SSU72: variants seen among roughly 807,000 people sequenced by gnomAD.
The protein encoded by SSU72 is SSU72 homolog, RNA polymerase II CTD phosphatase, also known as RNA polymerase II subunit A C-terminal domain phosphatase SSU72.
In SSU72, 12 loss-of-function variants were observed where a neutral mutation model predicts 22.7. The ratio of observed to expected loss-of-function variants is 0.53; its 90% CI spans 0.34 to 0.86. SSU72 has a LOEUF of 0.86. SSU72 is among the 40% of genes least tolerant of loss of function. SSU72 has a pLI of 0.02. For synonymous variants in SSU72, 116 were observed against 98.3 expected (o/e 1.18, Z -1.06); for missense variants, 151 against 249.8 (o/e 0.60, Z 2.67).
Position 1,542,217 on chromosome 1 carries a change from C to T in SSU72, c.484-50G>A. ...GGCCTTGCCCACTCCTGCCTGTCTG[C>T]TCCCCCTAACACCTGGATCGCCAGG... On this transcript the variant is annotated intron_variant, in intron 4 of 4. Transcript: ENST00000291386. The surrounding 1 kb of genome is among the most constrained non-coding windows in gnomAD (Gnocchi z 4.4). 2 of 1,518,086 alleles carry T rather than the reference C, an allele frequency of 1.3e-6. No individual in the cohort carries two copies. The highest frequency in any genetic ancestry group is 1.8e-6 in the Non-Finnish European group (2 of 1,116,460). 94.0% of individuals were successfully genotyped at this position (1,518,086 alleles called of 1,614,324 possible).
At chr1:1,551,366 A>C (rs1428802625) in intron 2 of SSU72, among the ~76,000 whole-genome samples, 1 of 152,244 alleles carries the variant, frequency 6.6e-6, no homozygotes, top group East Asian at 1.9e-4. Flanking sequence ...GAGGCTGCAA[A>C]GGGAACAGCA....
At position 1,570,224 on chromosome 1, in the gene SSU72, T is replaced by C. The variant is rs770358797; in HGVS notation, c.80+4254A>G. 9.8e-4 allele frequency among the ~76,000 whole-genome samples: 148 copies of C among 150,630 alleles called. 1 individual carries two copies. The highest frequency in any genetic ancestry group is 2.2e-4 in the Non-Finnish European group (15 of 67,674). On this transcript the variant is annotated intron_variant, in intron 1 of 4. Coordinates refer to ENST00000291386, the MANE Select transcript of SSU72 (RefSeq NM_014188.3). The stretch of plus-strand genomic sequence containing the variant: ...CAGGAGGATCGTTTTAGCCCAGATA[T>C]TCAAGGGTGAAGTGGTGAGCTATGA...
At chr1:1,546,865 A>C (rs59289087) in intron 2 of SSU72, among the ~76,000 whole-genome samples, 2,730 of 112,456 alleles carry the variant, frequency 0.024, 91 homozygotes, top group African/African-American at 0.09. Flanking sequence ...AACAACAAAA[A>C]AAAAAAAAAA....
rs535372947 is a variant in SSU72, at chr1:1,573,195, G to A, written c.80+1283C>T. Reference sequence around the variant, plus strand: ...CCCAGCACTTTGGGAGGCCGAGCGGGCAGATCACGAGGTCATAAGATCAAG... The same window carrying A: ...CCCAGCACTTTGGGAGGCCGAGCGGACAGATCACGAGGTCATAAGATCAAG... On this transcript the variant is annotated intron_variant, in intron 1 of 4. Transcript: ENST00000291386. 9.3e-5 allele frequency among the ~76,000 whole-genome samples: 14 copies of A among 150,702 alleles called. No individual in the cohort carries two copies. The East Asian group carries it at 2.6e-3, about 28-fold the overall frequency.
intron 2 of SSU72, among the ~76,000 whole-genome samples, chr1:1,549,595 T>C (rs1386928641): frequency 2.0e-5 from 3 of 150,940 alleles, no homozygotes; most frequent in South Asian, 2.1e-4. Flanking sequence ...TCCCACCACT[T>C]TGGGAGGCCG....
At chr1:1,560,882 T>C (rs981415978) in intron 2 of SSU72, 15 of 152,246 alleles carry the variant, frequency 9.9e-5, no homozygotes, top group Admixed American at 8.5e-4. Context: ...CCAAAATTTA[T>C]TGAAGGCTTT....
rs934701236 is a variant in SSU72 at position 1,542,236 on chromosome 1, C to T, written c.484-69G>A. The T allele has an allele frequency of 1.2e-5, 18 of 1,462,498 alleles. No homozygotes were observed. Among genetic ancestry groups the T allele is most frequent in the South Asian group, 2.4e-5 (2 of 82,008 alleles). 90.6% of individuals were successfully genotyped at this position (1,462,498 alleles called of 1,614,324 possible). On this transcript the variant is annotated intron_variant, in intron 4 of 4. Coordinates refer to ENST00000291386, the MANE Select transcript of SSU72 (RefSeq NM_014188.3). The surrounding 1 kb of genome is among the most constrained non-coding windows in gnomAD (Gnocchi z 4.4). ...TGTCTGCTCCCCCTAACACCTGGAT[C>T]GCCAGGGAAACGCCAGGCCTGAGCC...
chr1:1,574,416 G>A (rs1642781504), intron 1 of SSU72, 62 bp downstream of exon 1: 2 of 1,520,202 alleles, frequency 1.3e-6, no homozygotes, highest in African/African-American at 1.4e-5. Flanking sequence ...AGGGGGAACC[G>A]GGGAGGAGGG....
At chr1:1,567,289 A>G (rs142365219) in intron 1 of SSU72, among the ~76,000 whole-genome samples, 74 of 152,298 alleles carry the variant, frequency 4.9e-4, no homozygotes, top group African/African-American at 1.7e-3. Flanking sequence ...GAGTCCCCTG[A>G]GGCTGATGAC....
chr1:1,551,679 G>A (rs1887284), intron 2 of SSU72, among the ~76,000 whole-genome samples: 13,806 of 152,190 alleles, frequency 0.091, 1,237 homozygotes, highest in East Asian at 0.32. Flanking sequence ...CCCGATTCGC[G>A]GACGCCAACG....
In SSU72 at chr1:1,541,798, G is replaced by T; in HGVS notation, c.*268C>A. ...GGCACACGAAGACACAGGTATGTCGGGAAGTGCACACAAACCGTTGTCTTT... is the reference window on the plus strand; with the variant it reads ...GGCACACGAAGACACAGGTATGTCGTGAAGTGCACACAAACCGTTGTCTTT... On this transcript the variant is annotated 3_prime_UTR_variant, in exon 5 of 5. Coordinates refer to ENST00000291386, the MANE Select transcript of SSU72 (RefSeq NM_014188.3). 1 of 453,158 alleles carries T rather than the reference G, an allele frequency of 2.2e-6. No homozygotes were observed. The highest frequency in any genetic ancestry group is 4.1e-6 in the Non-Finnish European group (1 of 245,816). The allele number at this position is 453,158 out of a possible 1,614,324, so 28.1% of individuals were successfully genotyped here.
At chr1:1,572,197 G>C (rs1372768362) in intron 1 of SSU72, among the ~76,000 whole-genome samples, 3 of 147,152 alleles carry the variant, frequency 2.0e-5, no homozygotes, top group African/African-American at 7.4e-5. Context: ...GGAGGCCCAC[G>C]CAGGCGGATC....
chr1:1,545,107 G>A (rs1642375106), intron 2 of SSU72, 105 bp from the exon 3 acceptor site: 1 of 1,412,892 alleles, frequency 7.1e-7, no homozygotes. Context: ...CACAGCAGAG[G>A]CAGCCGGGAC....
chr1:1,551,735 T>C (rs1570386344), intron 2 of SSU72, among the ~76,000 whole-genome samples: 2 of 152,216 alleles, frequency 1.3e-5, no homozygotes, highest in South Asian at 2.1e-4. Flanking sequence ...ACAGCACCCA[T>C]GTCCAGGGAC....
intron 2 of SSU72, chr1:1,562,772 C>T (rs2296715): frequency 0.049 from 7,485 of 152,402 alleles, 520 homozygotes; most frequent in East Asian, 0.28. Flanking sequence ...AGAGCCATGT[C>T]GAAGCCGTGC....
At chr1:1,546,790 C>T (rs140369870) in intron 2 of SSU72, among the ~76,000 whole-genome samples, 3,247 of 149,320 alleles carry the variant, frequency 0.022, 122 homozygotes, top group African/African-American at 0.076. Flanking sequence ...TTGCAGTGAG[C>T]CGAGATCACA....
chr1:1,574,504 C>A lies in SSU72; in HGVS notation c.54G>T (p.Arg18=). The A allele has an allele frequency of 3.1e-6, 5 of 1,595,792 alleles. No individual in the cohort carries two copies. Among genetic ancestry groups the A allele is most frequent in the Non-Finnish European group, 4.3e-6 (5 of 1,173,320 alleles). Residue 18 remains arginine (R), a synonymous_variant, in exon 1 of 5, where the codon CGG becomes CGT. Transcript: ENST00000291386. ...TGAGGATGTTGTGCGCCTCCATGCT[C>A]CGGTTCTGGTTGCTCGAGCACACCA... is the stretch of plus-strand genomic sequence containing the variant. The part of the protein sequence containing the change: ...VAVVCSSNQN[R]SMEAHNILSK...
chr1:1,557,233 T>C (rs1642532550), intron 2 of SSU72, among the ~76,000 whole-genome samples: 1 of 151,808 alleles, frequency 6.6e-6, no homozygotes, highest in African/African-American at 2.4e-5. Context: ...GCCAACATAG[T>C]GAAATCCTGT....
At chr1:1,553,180 C>A (rs985320371) in intron 2 of SSU72, among the ~76,000 whole-genome samples, 1 of 152,128 alleles carries the variant, frequency 6.6e-6, no homozygotes, top group Non-Finnish European at 1.5e-5. Flanking sequence ...TTCACTTGGA[C>A]AGAAACCCTG....
Sources: allele counts gnomAD v4.1 joint callset (sites outside exome capture counted in the v4.1 genomes callset), GRCh38; gene constraint gnomAD v4.1.1; non-coding constraint Gnocchi (gnomAD v3.1); transcripts MANE v1.5; gene names NCBI Gene and HGNC (gene_info 2026-07-23, HGNC 2026-07-21).